Variants in DGKB observed in about 807,000 individuals in gnomAD.
The protein encoded by DGKB is 90 kDa diacylglycerol kinase.
DGKB carries 67 observed loss-of-function variants against 114.3 expected under a neutral mutation model. The ratio of observed to expected loss-of-function variants is 0.59; its 90% confidence interval spans 0.48 to 0.72. DGKB has a LOEUF of 0.72. Ranked by LOEUF, DGKB falls within the 30% of genes least tolerant of loss-of-function variation. The pLI is 0.00. For synonymous variants in DGKB, 398 were observed against 323.1 expected, an observed-to-expected ratio of 1.23 and a Z score of -2.49; for missense variants, 907 against 975.2, an observed-to-expected ratio of 0.93 and a Z score of 0.93.
chr7:14,405,647 G>A lies in DGKB; in HGVS notation c.1836-60256C>T, dbSNP rs62444613. On this transcript the variant is annotated intron_variant, in intron 21 of 25. Coordinates refer to ENST00000402815, the MANE Select transcript of DGKB (RefSeq NM_001350709.2). ...GCCACCCTTGAGCTATAACCAAGTT[G>A]GAGAAAAAAGTCAGCATGCAAGTAA... Among the ~76,000 whole-genome samples the A allele has an allele frequency of 6.5e-3, 984 of 151,990 alleles. 7 individuals are homozygous for A. Among genetic ancestry groups the A allele is most frequent in the Middle Eastern group, 0.017 (5 of 294 alleles).
At chr7:14,218,691 C>G (rs1468494258) in intron 23 of DGKB, among the ~76,000 whole-genome samples, 1 of 151,938 alleles carries the variant, frequency 6.6e-6, no homozygotes, top group Admixed American at 6.6e-5. Flanking sequence ...TACATTATAT[C>G]CTTTGAGAAA....
At chr7:14,499,396 A>C (rs976767678) in intron 20 of DGKB, among the ~76,000 whole-genome samples, 5 of 146,700 alleles carry the variant, frequency 3.4e-5, no homozygotes, top group Non-Finnish European at 7.4e-5. Flanking sequence ...ATTCAGAATA[A>C]TTCTTCAAAA....
At chr7:14,769,677 A>C (rs767785345) in intron 2 of DGKB, among the ~76,000 whole-genome samples, 7 of 152,108 alleles carry the variant, frequency 4.6e-5, no homozygotes, top group Non-Finnish European at 8.8e-5. Flanking sequence ...TCTGGAGGCC[A>C]GAGGTCTGAA....
chr7:14,856,623 T>C (rs1198423081), intron 1 of DGKB, among the ~76,000 whole-genome samples: 4 of 152,016 alleles, frequency 2.6e-5, no homozygotes, highest in Non-Finnish European at 4.4e-5. Context: ...CTCTGTCTCA[T>C]TGATGTCACT....
chr7:14,697,939 G>A (rs1287105137), intron 8 of DGKB, among the ~76,000 whole-genome samples, 156 bp downstream of exon 8: 7 of 145,556 alleles, frequency 4.8e-5, no homozygotes, highest in African/African-American at 1.8e-4. Flanking sequence ...AAGAGGGAGA[G>A]AAACAGAAAG....
chr7:14,424,510 A>G (rs1372893576), intron 21 of DGKB, among the ~76,000 whole-genome samples: 1 of 152,066 alleles, frequency 6.6e-6, no homozygotes, highest in Non-Finnish European at 1.5e-5. Context: ...TTTTATATTA[A>G]TAATAACCAT....
intron 23 of DGKB, among the ~76,000 whole-genome samples, chr7:14,234,205 TCTC>T (rs796402185): frequency 1.6e-4 from 24 of 152,116 alleles, no homozygotes; most frequent in African/African-American, 5.8e-4. Flanking sequence ...AAAAGAATCC[TCTC>T]CTCCGTCTCA....
chr7:14,871,813 T>A (rs1416476169), intron 1 of DGKB, among the ~76,000 whole-genome samples: 1 of 152,198 alleles, frequency 6.6e-6, no homozygotes, highest in African/African-American at 2.4e-5. Flanking sequence ...GGAGGTGTGG[T>A]GATGGATGGC....
intron 1 of DGKB, among the ~76,000 whole-genome samples, chr7:14,867,683 A>G (rs896233506): frequency 3.3e-5 from 5 of 152,130 alleles, no homozygotes; most frequent in Non-Finnish European, 7.3e-5. Flanking sequence ...AAATATCCCT[A>G]ATCATATTTT....
At chr7:14,924,810 C>T (rs1408208258) in intron 1 of DGKB, among the ~76,000 whole-genome samples, 4 of 152,014 alleles carry the variant, frequency 2.6e-5, no homozygotes, top group Admixed American at 2.6e-4. Flanking sequence ...CACTGAAGTA[C>T]CCTTTACCCA....
At chr7:14,710,432 A>G (rs1161799196) in intron 6 of DGKB, among the ~76,000 whole-genome samples, 1 of 152,142 alleles carries the variant, frequency 6.6e-6, no homozygotes, top group African/African-American at 2.4e-5. Flanking sequence ...TGGGTAGTCT[A>G]TAATAAACAA....
chr7:14,480,539 T>G (rs1166196341), intron 20 of DGKB, among the ~76,000 whole-genome samples: 2 of 152,140 alleles, frequency 1.3e-5, no homozygotes, highest in African/African-American at 2.4e-5. Flanking sequence ...CAGCCATTTT[T>G]CAAGAGACAC....
chr7:14,307,804 A>T (rs1804735691), intron 23 of DGKB, among the ~76,000 whole-genome samples: 1 of 152,164 alleles, frequency 6.6e-6, no homozygotes, highest in Non-Finnish European at 1.5e-5. Flanking sequence ...ATAATGTCTT[A>T]GTCAAAATCT....
In DGKB at chr7:14,689,306, T is replaced by C. The variant is rs532208320; in HGVS notation, c.712-3944A>G. 8.7e-4 allele frequency among the ~76,000 whole-genome samples: 128 copies of C among 146,698 alleles called. 1 individual carries two copies. Among genetic ancestry groups the C allele is most frequent in the African/African-American group, 2.5e-3 (101 of 39,814 alleles). On this transcript the variant is annotated intron_variant, in intron 9 of 25. Transcript: ENST00000402815. ...CTGCAAGCTCCGCCTCCCGGGTTCG[T>C]GCCATTCTCCTGCCTTCACCCACTG...
chr7:14,922,700 A>G (rs1390190277), intron 1 of DGKB, among the ~76,000 whole-genome samples: 1 of 152,098 alleles, frequency 6.6e-6, no homozygotes, highest in Non-Finnish European at 1.5e-5. Context: ...CTGCTACTAA[A>G]TAGTTGTGTG....
chr7:14,596,522 G>C (rs975759854), intron 17 of DGKB, among the ~76,000 whole-genome samples: 4 of 152,070 alleles, frequency 2.6e-5, no homozygotes, highest in Non-Finnish European at 4.4e-5. Context: ...TTTACACCAG[G>C]AGAACTAGCA....
At chr7:14,365,492 C>T (rs1816517286) in intron 21 of DGKB, among the ~76,000 whole-genome samples, 1 of 152,034 alleles carries the variant, frequency 6.6e-6, no homozygotes, top group South Asian at 2.1e-4. Context: ...CAAAATGATG[C>T]AAGTCTAAGG....
chr7:14,899,058 A>G (rs1449538602), intron 1 of DGKB, among the ~76,000 whole-genome samples: 2 of 152,166 alleles, frequency 1.3e-5, no homozygotes, highest in Non-Finnish European at 2.9e-5. Context: ...CTACGCCCAT[A>G]ACATTTTCAC....
chr7:14,955,690 G>GA (rs1490679412), intron 1 of DGKB, among the ~76,000 whole-genome samples: 1 of 152,008 alleles, frequency 6.6e-6, no homozygotes, highest in Non-Finnish European at 1.5e-5. Flanking sequence ...ACACACAAAA[G>GA]AAACAGGAAA....
Sources: gnomAD v4.1 joint callset for allele counts (sites outside exome capture counted in the v4.1 genomes callset) on GRCh38, gnomAD v4.1.1 for gene constraint, MANE v1.5 for transcripts, NCBI Gene and HGNC (gene_info 2026-07-23, HGNC 2026-07-21) for gene names.